The following EBF2 variants were observed in gnomAD, a reference collection of about 807,000 sequenced individuals.
EBF2 encodes EBF transcription factor 2, also known as transcription factor COE2.
Under a neutral mutation model 72.8 loss-of-function variants are expected in EBF2, and 21 were observed. The ratio of observed to expected loss-of-function variants is 0.29; its 90% CI spans 0.20 to 0.42. The LOEUF (loss-of-function observed/expected upper bound fraction) is 0.42, where lower values mean the gene tolerates loss of function less well. EBF2 is among the 10% of genes least tolerant of loss of function. EBF2 has a pLI of 1.00. For synonymous variants in EBF2, 299 were observed against 274.2 expected (o/e 1.09, Z -0.89); for missense variants, 637 against 731.2 (o/e 0.87, Z 1.49).
At chr8:25,878,610 C>G (rs1563386120) in intron 10 of EBF2, among the ~76,000 whole-genome samples, 1 of 152,222 alleles carries the variant, frequency 6.6e-6, no homozygotes, top group Non-Finnish European at 1.5e-5. Context: ...CTGTCTCCAC[C>G]AACCCAAGTG....
At chr8:25,934,874 A>G (rs1368273109) in intron 6 of EBF2, among the ~76,000 whole-genome samples, 1 of 150,722 alleles carries the variant, frequency 6.6e-6, no homozygotes, top group East Asian at 1.9e-4. Context: ...CCAAAGGCAA[A>G]TCCCCTACGT....
chr8:25,996,131 T>C (rs2117214966), intron 6 of EBF2, among the ~76,000 whole-genome samples: 1 of 151,956 alleles, frequency 6.6e-6, no homozygotes, highest in African/African-American at 2.4e-5. Flanking sequence ...CAAAACCCCA[T>C]CTCTACCAAA....
intron 6 of EBF2, among the ~76,000 whole-genome samples, chr8:25,962,086 C>T (rs553164009): frequency 1.8e-4 from 28 of 152,264 alleles, no homozygotes; most frequent in Admixed American, 1.8e-3. Flanking sequence ...CAGGGAGGAA[C>T]GTGCATTCTG....
intron 15 of EBF2, among the ~76,000 whole-genome samples, chr8:25,847,791 TGATATTTTCATA>T (rs1202049785): frequency 1.3e-5 from 2 of 152,146 alleles, no homozygotes; most frequent in Non-Finnish European, 2.9e-5. Flanking sequence ...ACACGTCACT[TGATATTTTCATA>T]GATTTTTTGC....
chr8:25,853,142 T>TTAAAGACATTTTTAAAAGC (rs1346035478), intron 14 of EBF2, among the ~76,000 whole-genome samples: 1 of 152,030 alleles, frequency 6.6e-6, no homozygotes, highest in African/African-American at 2.4e-5. Flanking sequence ...TCTAAGTAGA[T>TTAAAGACATTTTTAAAAGC]TAAAGACATT....
chr8:26,026,182 GA>G (rs770655691), intron 6 of EBF2, among the ~76,000 whole-genome samples: 102 of 150,328 alleles, frequency 6.8e-4, no homozygotes, highest in Non-Finnish European at 1.1e-3. Context: ...GTCTCAAAAA[GA>G]AATTTTTTTT....
rs1360164715 is a variant in EBF2, at chr8:25,858,384, G to T, written c.1463C>A (p.Ala488Asp). Residue 488 changes from alanine (A) to aspartate (D), a missense_variant, in exon 14 of 16, where the codon GCC becomes GAC. Transcript: ENST00000520164. ...SMNGYSNVPM[A>D]NLGVPGSPGF... Reference sequence around the variant, plus strand: ...TGGTGAACCTGGAACACCCAAGTTGGCCATGGGGACATTGCTGTAGCCATT... The same window carrying T: ...TGGTGAACCTGGAACACCCAAGTTGTCCATGGGGACATTGCTGTAGCCATT... 5 of 1,614,082 alleles carry T rather than the reference G, an allele frequency of 3.1e-6. No homozygotes were observed. The South Asian group carries it at 4.4e-5, about 14-fold the overall frequency.
At chr8:25,844,713 G>A in intron 15 of EBF2, 73 bp from the exon 16 acceptor site, 2 of 1,562,418 alleles carry the variant, frequency 1.3e-6, no homozygotes, top group Non-Finnish European at 1.8e-6. Context: ...CAGAATGAGG[G>A]GCAGGGGATG....
rs776003314 is a variant in EBF2, at chr8:25,850,583, C to T, written c.1696+11G>A. ...TACATTGTGTATCCCCAAAATAGAA[C>T]CCTTGCTTACCTCTGAATCCATTTC... On this transcript the variant is annotated intron_variant, in intron 15 of 15. Coordinates refer to ENST00000520164, the MANE Select transcript of EBF2 (RefSeq NM_022659.4). 1.3e-6 allele frequency: 2 copies of T among 1,537,096 alleles called. No homozygotes were observed.
At chr8:25,942,597 G>T (rs1043588059) in intron 6 of EBF2, among the ~76,000 whole-genome samples, 1 of 152,188 alleles carries the variant, frequency 6.6e-6, no homozygotes, top group African/African-American at 2.4e-5. Context: ...TCCTCAGGCG[G>T]CTTTAGAGTG....
chr8:25,950,025 G>A (rs2117167531), intron 6 of EBF2, among the ~76,000 whole-genome samples: 1 of 152,312 alleles, frequency 6.6e-6, no homozygotes, highest in Middle Eastern at 3.4e-3. Flanking sequence ...TCTACTTGAG[G>A]AAGACAACAC....
At chr8:25,859,803 A>G (rs1802177568) in intron 13 of EBF2, among the ~76,000 whole-genome samples, 1 of 151,362 alleles carries the variant, frequency 6.6e-6, no homozygotes, top group Non-Finnish European at 1.5e-5. Context: ...TGCAGCTTCA[A>G]CCTCCTGGAC....
chr8:25,853,330 T>C (rs1290089799), intron 14 of EBF2, among the ~76,000 whole-genome samples: 1 of 151,858 alleles, frequency 6.6e-6, no homozygotes, highest in Non-Finnish European at 1.5e-5. Flanking sequence ...AGCTCATAAG[T>C]TAATTGGAAA....
At chr8:25,943,452 G>A (rs1320534090) in intron 6 of EBF2, among the ~76,000 whole-genome samples, 2 of 152,126 alleles carry the variant, frequency 1.3e-5, no homozygotes, top group Non-Finnish European at 1.5e-5. Flanking sequence ...TGAGGCTACA[G>A]TAAGTTATGA....
At chr8:25,994,056 C>T (rs183457296) in intron 6 of EBF2, among the ~76,000 whole-genome samples, 94 of 151,788 alleles carry the variant, frequency 6.2e-4, no homozygotes, top group African/African-American at 2.1e-3. Context: ...AGATGCAATC[C>T]AACATTAGAA....
At chr8:26,037,735 A>G (rs1024127259) in intron 5 of EBF2, among the ~76,000 whole-genome samples, 1 of 152,222 alleles carries the variant, frequency 6.6e-6, no homozygotes, top group Non-Finnish European at 1.5e-5. Flanking sequence ...CAGCGACATA[A>G]CAACTAGATT....
rs150781045 is a variant in EBF2, at chr8:26,035,750, T to G, written c.483-2597A>C. Among the ~76,000 whole-genome samples, 69 of 152,302 alleles carry G rather than the reference T, an allele frequency of 4.5e-4. No individual in the cohort carries two copies. The East Asian group carries it at 0.013, about 29-fold the overall frequency. On this transcript the variant is annotated intron_variant, in intron 5 of 15. Coordinates refer to ENST00000520164, the MANE Select transcript of EBF2 (RefSeq NM_022659.4). ...AGTTTGCCACTGGGACTTTCTGAAA[T>G]AATATTTGGCCTTTGAAATTATATT... is the stretch of plus-strand genomic sequence containing the variant.
At chr8:25,981,109 C>G (rs555955732) in intron 6 of EBF2, among the ~76,000 whole-genome samples, 2 of 152,266 alleles carry the variant, frequency 1.3e-5, no homozygotes, top group East Asian at 3.9e-4. Context: ...GCCCCCGAAG[C>G]CTCCTTCTTC....
At chr8:25,988,519 G>A (rs1011190170) in intron 6 of EBF2, among the ~76,000 whole-genome samples, 1 of 152,204 alleles carries the variant, frequency 6.6e-6, no homozygotes, top group Non-Finnish European at 1.5e-5. Context: ...AGGGAACTAG[G>A]AGGCTCATAT....
Sources: allele counts gnomAD v4.1 joint callset (sites outside exome capture counted in the v4.1 genomes callset), GRCh38; gene constraint gnomAD v4.1.1; transcripts MANE v1.5; gene names NCBI Gene and HGNC (gene_info 2026-07-23, HGNC 2026-07-21).